SEMA6A: variants seen among roughly 807,000 people sequenced by gnomAD.
The protein encoded by SEMA6A is semaphorin-6A.
SEMA6A carries 25 observed loss-of-function variants against 96.8 expected under a neutral mutation model. That is an observed-to-expected ratio of 0.26 (90% CI 0.19 to 0.36). SEMA6A has a LOEUF of 0.36. Ranked by LOEUF, SEMA6A falls within the 10% of genes least tolerant of loss-of-function variation. The pLI is 1.00. For missense variants in SEMA6A, 1,363 were observed against 1,323.1 expected (o/e 1.03, Z -0.47); for synonymous variants, 612 against 518.0 (o/e 1.18, Z -2.46).
chr5:116,457,953 C>G (rs894772369), intron 18 of SEMA6A, among the ~76,000 whole-genome samples: 1 of 152,228 alleles, frequency 6.6e-6, no homozygotes, highest in Non-Finnish European at 1.5e-5. Flanking sequence ...GCAAGCCCTA[C>G]GTAGTTTGAG....
At chr5:116,459,244 A>G (rs1023629791) in intron 18 of SEMA6A, among the ~76,000 whole-genome samples, 2 of 152,184 alleles carry the variant, frequency 1.3e-5, no homozygotes, top group African/African-American at 4.8e-5. Flanking sequence ...GTGTAGTAAC[A>G]GACACTTTAG....
rs1455923928 is a variant in SEMA6A, at chr5:116,443,999, A to T, written c.*2614T>A. The T allele has an allele frequency of 6.6e-6, 1 of 152,200 alleles. No homozygotes were observed. The highest frequency in any genetic ancestry group is 1.5e-5 in the Non-Finnish European group (1 of 68,078). 9.4% of individuals were successfully genotyped at this position (152,200 alleles called of 1,614,324 possible). On this transcript the variant is annotated 3_prime_UTR_variant, in exon 19 of 19. Coordinates refer to ENST00000343348, the MANE Select transcript of SEMA6A (RefSeq NM_020796.5). The stretch of plus-strand genomic sequence containing the variant: ...AACAGCTGAGGCAGTGATGCCTACA[A>T]ACACTGGACAAGACAGCCGCTTACG...
chr5:116,465,855 A>C (rs1267541530), intron 18 of SEMA6A, among the ~76,000 whole-genome samples: 1 of 152,162 alleles, frequency 6.6e-6, no homozygotes, highest in Non-Finnish European at 1.5e-5. Flanking sequence ...GGGCAAAAAC[A>C]AAGTGATTTC....
Position 116,480,224 on chromosome 5 carries a change from T to A in SEMA6A, c.1148A>T (p.Glu383Val). The change falls in exon 12 of 19, where the codon GAG becomes GTG. Residue 383 changes from glutamate to valine, a missense_variant. By Grantham distance (121) the Glu-to-Val change is moderately radical. Coordinates refer to ENST00000343348, the MANE Select transcript of SEMA6A (RefSeq NM_020796.5). The stretch of plus-strand genomic sequence containing the variant: ...GAAGTTCAGGGTATCATCAGGGAAC[T>A]CATTGGAGGTTGCATATCTTTCTAA... ...SSLERYATSN[E>V]FPDDTLNFIK... The A allele has an allele frequency of 6.2e-7, 1 of 1,613,874 alleles. No homozygotes were observed. Among genetic ancestry groups the A allele is most frequent in the Non-Finnish European group, 8.5e-7 (1 of 1,179,794 alleles).
intron 12 of SEMA6A, among the ~76,000 whole-genome samples, chr5:116,479,049 T>G (rs1315170690): frequency 6.6e-6 from 1 of 152,126 alleles, no homozygotes; most frequent in Non-Finnish European, 1.5e-5. Context: ...GACTAATGTC[T>G]CCTATGAGGA....
At position 116,447,593 on chromosome 5, in the gene SEMA6A, G is replaced by C. The variant is rs1385095756; in HGVS notation, c.2113C>G (p.Leu705Val). The change falls in exon 19 of 19, where the codon CTC becomes GTC. Residue 705 changes from leucine (L) to valine (V), a missense_variant. Physicochemically the swap from Leu to Val is conservative, Grantham distance 32 (BLOSUM62 1). Coordinates refer to ENST00000343348, the MANE Select transcript of SEMA6A (RefSeq NM_020796.5). ...TGAGTGTCCCCAAAGAGGCCGCTGAGCTTGGTGACGCTGCTCATGGAGCCC... is the reference window on the plus strand; with the variant it reads ...TGAGTGTCCCCAAAGAGGCCGCTGACCTTGGTGACGCTGCTCATGGAGCCC... ...RRGSMSSVTK[L>V]SGLFGDTQSK... The C allele has an allele frequency of 1.2e-6, 2 of 1,614,060 alleles. No individual in the cohort carries two copies. The highest frequency in any genetic ancestry group is 1.7e-6 in the Non-Finnish European group (2 of 1,179,904).
intron 1 of SEMA6A, among the ~76,000 whole-genome samples, chr5:116,517,587 T>G (rs1440735802): frequency 6.6e-6 from 1 of 152,234 alleles, no homozygotes; most frequent in Non-Finnish European, 1.5e-5. Flanking sequence ...TCCTATGTTC[T>G]GGGCTTATAA....
chr5:116,477,980 G>C, intron 14 of SEMA6A, 34 bp downstream of exon 14: 1 of 1,613,916 alleles, frequency 6.2e-7, no homozygotes, highest in Non-Finnish European at 8.5e-7. Context: ...AGCCACCATG[G>C]ACTTTCTAAT....
intron 1 of SEMA6A, among the ~76,000 whole-genome samples, chr5:116,538,626 A>T (rs12513595): frequency 0.013 from 1,940 of 152,296 alleles, 33 homozygotes; most frequent in Admixed American, 0.043. Flanking sequence ...AAATTTTTTT[A>T]TCTGTCCTTA....
At chr5:116,482,723 CAAAG>C (rs2112702923) in intron 10 of SEMA6A, 148 bp from the exon 11 acceptor site, 1 of 699,766 alleles carries the variant, frequency 1.4e-6, no homozygotes, top group African/African-American at 1.8e-5. Context: ...TCTTAGTACA[CAAAG>C]AAAATATTTC....
intron 18 of SEMA6A, among the ~76,000 whole-genome samples, chr5:116,464,611 G>A (rs1048131312): frequency 6.6e-6 from 1 of 152,178 alleles, no homozygotes; most frequent in Non-Finnish European, 1.5e-5. Context: ...GAGGGGCAGA[G>A]GGTTTGGGTC....
intron 1 of SEMA6A, among the ~76,000 whole-genome samples, chr5:116,549,729 T>C (rs1455103340): frequency 1.3e-5 from 2 of 152,322 alleles, no homozygotes; most frequent in Admixed American, 6.5e-5. Flanking sequence ...CAGTATACTC[T>C]TTATACAAAA....
At chr5:116,455,349 G>T (rs1460758560) in intron 18 of SEMA6A, among the ~76,000 whole-genome samples, 1 of 152,174 alleles carries the variant, frequency 6.6e-6, no homozygotes, top group East Asian at 1.9e-4. Flanking sequence ...AACTGTTACT[G>T]TCCCCGTAAA....
intron 1 of SEMA6A, among the ~76,000 whole-genome samples, chr5:116,529,120 T>G (rs1398093544): frequency 6.6e-6 from 1 of 151,998 alleles, no homozygotes; most frequent in African/African-American, 2.4e-5. Flanking sequence ...ATCTGGCCAG[T>G]GTGAATAAAG....
At chr5:116,466,625 T>C (rs1755774917) in intron 18 of SEMA6A, among the ~76,000 whole-genome samples, 1 of 152,104 alleles carries the variant, frequency 6.6e-6, no homozygotes, top group African/African-American at 2.4e-5. Context: ...GATGGAGATA[T>C]GTATGCAGAA....
At chr5:116,519,451 G>A (rs1303405079) in intron 1 of SEMA6A, among the ~76,000 whole-genome samples, 1 of 152,160 alleles carries the variant, frequency 6.6e-6, no homozygotes, top group Non-Finnish European at 1.5e-5. Context: ...ATTAAACCCA[G>A]AAACAGCTTT....
chr5:116,523,367 G>A (rs1160401123), intron 1 of SEMA6A, among the ~76,000 whole-genome samples: 1 of 152,106 alleles, frequency 6.6e-6, no homozygotes, highest in Non-Finnish European at 1.5e-5. Flanking sequence ...AGGCTGAAGT[G>A]CAGTGATGCA....
At chr5:116,513,983 G>A (rs949169796) in intron 1 of SEMA6A, among the ~76,000 whole-genome samples, 9 of 152,132 alleles carry the variant, frequency 5.9e-5, no homozygotes, top group African/African-American at 2.2e-4. Flanking sequence ...TGGCTGCATA[G>A]TATTCCATCA....
At chr5:116,490,807 A>G (rs963380904) in intron 7 of SEMA6A, among the ~76,000 whole-genome samples, 2 of 152,210 alleles carry the variant, frequency 1.3e-5, no homozygotes, top group African/African-American at 4.8e-5. Flanking sequence ...TGGAAATTAT[A>G]GCTAACTGCT....
Sources: allele counts gnomAD v4.1 joint callset (sites outside exome capture counted in the v4.1 genomes callset), GRCh38; gene constraint gnomAD v4.1.1; transcripts MANE v1.5; gene names NCBI Gene and HGNC (gene_info 2026-07-23, HGNC 2026-07-21).